The following MDM2 variants were observed in gnomAD, a reference collection of about 807,000 sequenced individuals.
MDM2 encodes E3 ubiquitin-protein ligase Mdm2.
A neutral mutation model predicts 64.3 loss-of-function variants in MDM2; 11 were observed. That is an observed-to-expected ratio of 0.17 (90% CI 0.11 to 0.28). MDM2 has a LOEUF of 0.28. MDM2 is among the 10% of genes least tolerant of loss of function. MDM2 has a pLI of 1.00. For missense variants in MDM2, 388 were observed against 577.1 expected (o/e 0.67, Z 3.36); for synonymous variants, 194 against 192.9 (o/e 1.01, Z -0.05).
intron 7 of MDM2, 68 bp from the exon 8 acceptor site, chr12:68,828,703 G>A (rs1882543819): frequency 1.5e-6 from 2 of 1,372,694 alleles, no homozygotes; most frequent in Middle Eastern, 2.0e-4. Flanking sequence ...TGTACAAATA[G>A]GTACTCAAAA....
Position 68,836,764 on chromosome 12 carries a change from A to G in MDM2, c.918+15A>G, listed in dbSNP as rs565963964. The G allele has an allele frequency of 6.4e-6, 10 of 1,555,128 alleles. No individual in the cohort carries two copies. Among genetic ancestry groups the G allele is most frequent in the Middle Eastern group, 1.8e-4 (1 of 5,574 alleles). ...TTTCCTTAGCTGTAAGTATACATCT[A>G]CTTTTTTAAGAAATAAAAATTTCAT... On this transcript the variant is annotated intron_variant, in intron 10 of 10. Transcript: ENST00000258149.
chr12:68,832,917 G>A (rs542280034), intron 8 of MDM2, among the ~76,000 whole-genome samples: 1 of 150,922 alleles, frequency 6.6e-6, no homozygotes, highest in South Asian at 2.1e-4. Flanking sequence ...ACAAGGTCAG[G>A]AGATCGAGAC....
rs565952485 is a variant in MDM2, at chr12:68,827,950, G to A, written c.524-821G>A. On this transcript the variant is annotated intron_variant, in intron 7 of 10. Transcript: ENST00000258149. ...GTTTGAGACCAGTGTGGCCAACATG[G>A]TGAAACCCTGTCTCTACCAAAAATA... Among the ~76,000 whole-genome samples, 35 of 152,248 alleles carry A rather than the reference G, an allele frequency of 2.3e-4. No homozygotes were observed. The East Asian group carries it at 6.8e-3, about 29-fold the overall frequency.
At chr12:68,815,323 C>T (rs533606320) in intron 3 of MDM2, among the ~76,000 whole-genome samples, 1 of 151,568 alleles carries the variant, frequency 6.6e-6, no homozygotes, top group African/African-American at 2.4e-5. Flanking sequence ...ATATAGTTCT[C>T]AGTTATAGGA....
intron 4 of MDM2, among the ~76,000 whole-genome samples, chr12:68,819,038 T>C (rs1396028788): frequency 6.6e-6 from 1 of 152,200 alleles, no homozygotes; most frequent in Non-Finnish European, 1.5e-5. Flanking sequence ...GGTCTGAATA[T>C]TGAATCTTCG....
rs1215639916 is a variant in MDM2 at position 68,842,391 on chromosome 12, T to C, written c.*2542T>C. 1 of 492,368 alleles carries C rather than the reference T, an allele frequency of 2.0e-6. No individual in the cohort carries two copies. The allele number at this position is 492,368 out of a possible 1,614,324, so 30.5% of individuals were successfully genotyped here. A position where few individuals can be genotyped will look rare whatever the true frequency, so the allele number is the denominator to read the frequency against. On this transcript the variant is annotated 3_prime_UTR_variant, in exon 11 of 11. Transcript: ENST00000258149. ...AGACATGGCAGAGGTTTCCTAAAAATCTCATTATCTATAACCATTTCTATA... is the reference window on the plus strand; with the variant it reads ...AGACATGGCAGAGGTTTCCTAAAAACCTCATTATCTATAACCATTTCTATA...
Position 68,842,017 on chromosome 12 carries a change from T to C in MDM2, c.*2168T>C. 1 of 407,226 alleles carries C rather than the reference T, an allele frequency of 2.5e-6. No individual in the cohort carries two copies. Among genetic ancestry groups the C allele is most frequent in the Non-Finnish European group, 4.7e-6 (1 of 212,350 alleles). 25.2% of individuals were successfully genotyped at this position (407,226 alleles called of 1,614,324 possible). A position where few individuals can be genotyped will look rare whatever the true frequency, so the allele number is the denominator to read the frequency against. On this transcript the variant is annotated 3_prime_UTR_variant, in exon 11 of 11. Transcript: ENST00000258149. ...GCAAGGTGTTCAGATTGTATAAACA[T>C]AAATGTCACAAAAACTTTAAAAGAA... is the stretch of plus-strand genomic sequence containing the variant.
intron 3 of MDM2, among the ~76,000 whole-genome samples, chr12:68,815,433 C>CTTTTTTTTTTTTTTT (rs58178593): frequency 3.2e-5 from 3 of 93,086 alleles, no homozygotes; most frequent in African/African-American, 8.8e-5. Context: ...GTTTCTTCTT[C>CTTTTTTTTTTTTTTT]TTTTTTTTTT....
chr12:68,834,723 C>G (rs940000676), intron 8 of MDM2, among the ~76,000 whole-genome samples: 1 of 152,132 alleles, frequency 6.6e-6, no homozygotes, highest in Non-Finnish European at 1.5e-5. Flanking sequence ...GGTGATGGAG[C>G]AAGATTCCAT....
chr12:68,841,992 G>A lies in MDM2; in HGVS notation c.*2143G>A. The stretch of plus-strand genomic sequence containing the variant: ...ATCATGATGTTCATCTGCAGCTGTT[G>A]CAAGGTGTTCAGATTGTATAAACAT... On this transcript the variant is annotated 3_prime_UTR_variant, in exon 11 of 11. Coordinates refer to ENST00000258149, the MANE Select transcript of MDM2 (RefSeq NM_002392.6). 1 of 392,608 alleles carries A rather than the reference G, an allele frequency of 2.5e-6. No homozygotes were observed. The highest frequency in any genetic ancestry group is 2.5e-5 in the South Asian group (1 of 39,904). The allele number at this position is 392,608 out of a possible 1,614,324, so 24.3% of individuals were successfully genotyped here. A position where few individuals can be genotyped will look rare whatever the true frequency, so the allele number is the denominator to read the frequency against.
chr12:68,808,386 C>A lies in MDM2; in HGVS notation c.-92C>A. 1 of 1,559,918 alleles carries A rather than the reference C, an allele frequency of 6.4e-7. No individual in the cohort carries two copies. The highest frequency in any genetic ancestry group is 1.1e-5 in the South Asian group (1 of 89,676). ...GCCCTGGCCCGGAGAGTGGAATGAT[C>A]CCCGAGGCCCAGGGCGTCGTGCTTC... On this transcript the variant is annotated 5_prime_UTR_variant, in exon 1 of 11. Coordinates refer to ENST00000258149, the MANE Select transcript of MDM2 (RefSeq NM_002392.6).
Position 68,845,226 on chromosome 12 carries a change from C to T in MDM2, c.*5377C>T, listed in dbSNP as rs1330816379. ...CTTATAAAAAGAAAAAGTATTTCTT[C>T]AGCTTAAAAAATTGTTTAAAAGTTT... is the stretch of plus-strand genomic sequence containing the variant. On this transcript the variant is annotated 3_prime_UTR_variant, in exon 11 of 11. Coordinates refer to ENST00000258149, the MANE Select transcript of MDM2 (RefSeq NM_002392.6). The T allele has an allele frequency of 4.6e-6, 1 of 217,278 alleles. No individual in the cohort carries two copies. The highest frequency in any genetic ancestry group is 9.2e-6 in the Non-Finnish European group (1 of 108,320). 13.5% of individuals were successfully genotyped at this position (217,278 alleles called of 1,614,324 possible).
At position 68,836,749 on chromosome 12, in the gene MDM2, T is replaced by C. The variant is rs770653304; in HGVS notation, c.918T>C (p.Ala306=). 16 of 1,599,482 alleles carry C rather than the reference T, an allele frequency of 1.0e-5. No individual in the cohort carries two copies. The highest frequency in any genetic ancestry group is 1.2e-5 in the Non-Finnish European group (14 of 1,167,406). ...SFEEDPEISL[A]DYWKCTSCNE... is the part of the protein sequence containing the mutation. ...AAGAAGATCCTGAAATTTCCTTAGC[T>C]GTAAGTATACATCTACTTTTTTAAG... Residue 306 remains alanine (A), a splice_region_variant and synonymous_variant, in exon 10 of 11, where the codon GCT becomes GCC. Coordinates refer to ENST00000258149, the MANE Select transcript of MDM2 (RefSeq NM_002392.6).
chr12:68,841,252 GTTT>G lies in MDM2; in HGVS notation c.*1407_*1409del, dbSNP rs1883744945. On this transcript the variant is annotated 3_prime_UTR_variant, in exon 11 of 11. Coordinates refer to ENST00000258149, the MANE Select transcript of MDM2 (RefSeq NM_002392.6). ...TATTTGGTGCTATGTAAATGAAAAT[GTTT>G]TTTAGGTTTTCTTGATTTAACAATA... is the stretch of plus-strand genomic sequence containing the variant. 3 of 193,746 alleles carry G rather than the reference GTTT, an allele frequency of 1.5e-5. No homozygotes were observed. The Admixed American group carries it at 1.8e-4, about 12-fold the overall frequency. 12.0% of individuals were successfully genotyped at this position (193,746 alleles called of 1,614,324 possible).
rs948591886 is a variant in MDM2, at chr12:68,844,929, C to G, written c.*5080C>G. 1 of 197,438 alleles carries G rather than the reference C, an allele frequency of 5.1e-6. No homozygotes were observed. Among genetic ancestry groups the G allele is most frequent in the East Asian group, 7.9e-5 (1 of 12,724 alleles). 12.2% of individuals were successfully genotyped at this position (197,438 alleles called of 1,614,324 possible). A position where few individuals can be genotyped will look rare whatever the true frequency, so the allele number is the denominator to read the frequency against. On this transcript the variant is annotated 3_prime_UTR_variant, in exon 11 of 11. Coordinates refer to ENST00000258149, the MANE Select transcript of MDM2 (RefSeq NM_002392.6). Reference sequence around the variant, plus strand: ...GTTAGAGCACCCTGTCACCACGCCCCGCTAATTTTTGTATTTCTAGCAGAG... The same window carrying G: ...GTTAGAGCACCCTGTCACCACGCCCGGCTAATTTTTGTATTTCTAGCAGAG...
At chr12:68,826,730 C>T (rs1388163317) in intron 7 of MDM2, among the ~76,000 whole-genome samples, 1 of 151,714 alleles carries the variant, frequency 6.6e-6, no homozygotes, top group Non-Finnish European at 1.5e-5. Context: ...GTAATCTATC[C>T]TAAGGATGTA....
chr12:68,833,318 A>AATATAAAAATATAT (rs1565744160), intron 8 of MDM2, among the ~76,000 whole-genome samples: 1 of 96,046 alleles, frequency 1.0e-5, no homozygotes, highest in Non-Finnish European at 2.2e-5. Context: ...TAAAAATATA[A>AATATAAAAATATAT]TTATATAAAT....
chr12:68,820,784 G>C lies in MDM2; in HGVS notation c.358+410G>C, dbSNP rs1881775583. ...GACAAAATTTTGTTTACCAATTTGT[G>C]GAAGTGGAATTTTATGTTCCTACTT... On this transcript the variant is annotated intron_variant, in intron 5 of 10. Transcript: ENST00000258149. 2.6e-5 allele frequency among the ~76,000 whole-genome samples: 4 copies of C among 152,134 alleles called. No individual in the cohort carries two copies. In the South Asian group the frequency reaches 8.3e-4, roughly 31 times the overall value.
chr12:68,837,544 A>G (rs968165637), intron 10 of MDM2, among the ~76,000 whole-genome samples: 1 of 151,610 alleles, frequency 6.6e-6, no homozygotes, highest in South Asian at 2.1e-4. Context: ...TATTTTTTGT[A>G]GAAATGTCAC....
Sources: allele counts gnomAD v4.1 joint callset (sites outside exome capture counted in the v4.1 genomes callset), GRCh38; gene constraint gnomAD v4.1.1; transcripts MANE v1.5; gene names NCBI Gene and HGNC (gene_info 2026-07-23, HGNC 2026-07-21).